The following DCAF8L2 variants were observed in gnomAD, a reference collection of about 807,000 sequenced individuals.
The protein encoded by DCAF8L2 is DDB1- and CUL4-associated factor 8-like protein 2.
For missense variants in DCAF8L2, 430 were observed against 490.7 expected, an observed-to-expected ratio of 0.88 and a Z score of 1.17; for synonymous variants, 200 against 190.9, an observed-to-expected ratio of 1.05 and a Z score of -0.39.
At chrX:27,522,393 T>C in the DCAF8L2 span, among the ~76,000 whole-genome samples, 1 of 112,248 alleles carries the variant, frequency 8.9e-6, no homozygotes, top group Non-Finnish European at 1.9e-5. Flanking sequence ...TTTTTCCTCT[T>C]ATTTCATTTT....
intron 2 of DCAF8L2, among the ~76,000 whole-genome samples, chrX:27,634,983 C>CACAT (rs752185455): frequency 2.0e-5 from 2 of 99,156 alleles, no homozygotes; most frequent in African/African-American, 7.8e-5. Flanking sequence ...CACACACACA[C>CACAT]ATATATAGAG....
intron 2 of DCAF8L2, among the ~76,000 whole-genome samples, chrX:27,677,394 A>G (rs59475780): frequency 0.1 from 11,383 of 111,857 alleles, 1,387 homozygotes; most frequent in African/African-American, 0.35. Context: ...TGTCTCTATG[A>G]TAAGCTAAGA....
At chrX:27,576,912 T>C in the DCAF8L2 span, among the ~76,000 whole-genome samples, 1 of 111,872 alleles carries the variant, frequency 8.9e-6, no homozygotes, top group Admixed American at 9.5e-5. Context: ...GTCAGAGCTC[T>C]GTGAAAAGTG....
At chrX:27,666,730 T>C (rs1164650414) in intron 2 of DCAF8L2, among the ~76,000 whole-genome samples, 2 of 112,402 alleles carry the variant, frequency 1.8e-5, no homozygotes, top group Non-Finnish European at 3.8e-5. Context: ...GGACAATTTG[T>C]AACAGAATTG....
chrX:27,514,203 CATGT>C, the DCAF8L2 span, among the ~76,000 whole-genome samples: 12,323 of 95,634 alleles, frequency 0.13, 864 homozygotes, highest in East Asian at 0.3. Context: ...CACATATGTA[CATGT>C]ATGTGTGCTA....
chrX:27,489,045 TA>T, the DCAF8L2 span, among the ~76,000 whole-genome samples: 1 of 111,764 alleles, frequency 8.9e-6, no homozygotes, highest in Non-Finnish European at 1.9e-5. Context: ...TGTATTGCCA[TA>T]TTAATTTTAA....
chrX:27,633,247 T>C (rs997484001), intron 2 of DCAF8L2: 1 of 112,134 alleles, frequency 8.9e-6, no homozygotes, highest in Non-Finnish European at 1.9e-5. Context: ...ATGTGTTCAA[T>C]TGGGTTGAGA....
chrX:27,543,796 G>A, the DCAF8L2 span, among the ~76,000 whole-genome samples: 1 of 111,503 alleles, frequency 9.0e-6, no homozygotes, highest in Non-Finnish European at 1.9e-5. Context: ...GTGGAGAATG[G>A]GACTGAGACA....
At chrX:27,594,161 A>G (rs1443588211) in intron 1 of DCAF8L2, among the ~76,000 whole-genome samples, 2 of 111,827 alleles carry the variant, frequency 1.8e-5, no homozygotes, top group African/African-American at 6.5e-5. Context: ...TTTAGTATTA[A>G]TGTATAAGTA....
At chrX:27,621,189 TTAATGTGTGGAGAGTAG>T (rs1927739103) in intron 1 of DCAF8L2, among the ~76,000 whole-genome samples, 1 of 111,314 alleles carries the variant, frequency 9.0e-6, no homozygotes, top group Non-Finnish European at 1.9e-5. Context: ...GAGATATTTT[TTAATGTGTGGAGAGTAG>T]AATGCTATAG....
At chrX:27,598,821 A>T (rs1301763220) in intron 1 of DCAF8L2, among the ~76,000 whole-genome samples, 1 of 110,256 alleles carries the variant, frequency 9.1e-6, no homozygotes, top group Non-Finnish European at 1.9e-5. Context: ...GTAATTATTA[A>T]TAATTCCTGA....
At chrX:27,622,593 A>C (rs2147157845) in intron 1 of DCAF8L2, among the ~76,000 whole-genome samples, 1 of 111,427 alleles carries the variant, frequency 9.0e-6, no homozygotes, top group East Asian at 2.8e-4. Context: ...TAAGTGAATT[A>C]GTGCTACGTT....
At chrX:27,547,843 CTT>C in the DCAF8L2 span, among the ~76,000 whole-genome samples, 789 of 83,887 alleles carry the variant, frequency 9.4e-3, 11 homozygotes, top group African/African-American at 0.036. Flanking sequence ...CTCTCTCTCT[CTT>C]TCTCTCTCTC....
intron 2 of DCAF8L2, among the ~76,000 whole-genome samples, chrX:27,660,133 C>G (rs2147211173): frequency 9.0e-6 from 1 of 111,630 alleles, no homozygotes; most frequent in Non-Finnish European, 1.9e-5. Context: ...AGTGATTCTC[C>G]TGCCTCAGCC....
chrX:27,742,134 T>A (rs780708397), intron 4 of DCAF8L2, among the ~76,000 whole-genome samples: 222 of 112,184 alleles, frequency 2.0e-3, no homozygotes, highest in African/African-American at 7.0e-3. Context: ...TCACAGAACT[T>A]GCCACCTTTT....
chrX:27,503,859 G>A, the DCAF8L2 span, among the ~76,000 whole-genome samples: 22,028 of 110,647 alleles, frequency 0.2, 1,880 homozygotes, highest in East Asian at 0.37. Flanking sequence ...CTCCTCATTC[G>A]TGGTTTTACT....
At chrX:27,598,041 A>G (rs1188080617) in intron 1 of DCAF8L2, among the ~76,000 whole-genome samples, 1 of 112,490 alleles carries the variant, frequency 8.9e-6, no homozygotes, top group Non-Finnish European at 1.9e-5. Flanking sequence ...ATTTTCATAT[A>G]AATTATTAAT....
chrX:27,702,616 T>C (rs982245702), intron 3 of DCAF8L2, among the ~76,000 whole-genome samples: 1 of 111,294 alleles, frequency 9.0e-6, no homozygotes, highest in Non-Finnish European at 1.9e-5. Flanking sequence ...CATAATCATC[T>C]TAATAGATAC....
Position 27,748,583 on chromosome X carries a change from A to G in DCAF8L2, c.1688A>G (p.Glu563Gly), listed in dbSNP as rs1448905243. The change falls in exon 5 of 5, where the codon GAA (glutamate) becomes GGA (glycine). Residue 563 changes from glutamate to glycine, a missense_variant. Coordinates refer to ENST00000451261, the MANE Select transcript of DCAF8L2 (RefSeq NM_001353450.2). ...AAGGTGATTAAGAAGAACAAGTGGG[A>G]ACGAGATGAAGACAGCTTGCACCAT... ...LKKVIKKNKW[E>G]RDEDSLHHGS... is the part of the protein sequence containing the mutation. 8.3e-7 allele frequency: 1 copy of G among 1,206,734 alleles called. No individual in the cohort carries two copies. Among genetic ancestry groups the G allele is most frequent in the Non-Finnish European group, 1.1e-6 (1 of 892,966 alleles).
Sources: gnomAD v4.1 joint callset for allele counts (sites outside exome capture counted in the v4.1 genomes callset) on GRCh38, gnomAD v4.1.1 for gene constraint, MANE v1.5 for transcripts, NCBI Gene and HGNC (gene_info 2026-07-23, HGNC 2026-07-21) for gene names.